Variants in CNTN1 observed in about 807,000 individuals in gnomAD.
CNTN1 encodes contactin-1.
In CNTN1, 38 loss-of-function variants were observed where a neutral mutation model predicts 126.4. The ratio of observed to expected loss-of-function variants is 0.30; its 90% CI spans 0.23 to 0.39. The LOEUF (loss-of-function observed/expected upper bound fraction) is 0.39. CNTN1 is among the 10% of genes least tolerant of loss of function. The probability of loss-of-function intolerance (pLI) is 1.00; values close to 1 mark genes in which losing one functional copy is unlikely to be tolerated. For synonymous variants in CNTN1, 413 were observed against 422.6 expected, an observed-to-expected ratio of 0.98 and a Z score of 0.28; for missense variants, 1,009 against 1,248.4, an observed-to-expected ratio of 0.81 and a Z score of 2.89.
rs530746397 is a variant in CNTN1 at position 40,753,830 on chromosome 12, C to T, written c.-77+61238C>T. Among the ~76,000 whole-genome samples the T allele has an allele frequency of 1.8e-4, 28 of 152,200 alleles. No homozygotes were observed. In the South Asian group the frequency reaches 5.2e-3, roughly 28 times the overall value. On this transcript the variant is annotated intron_variant, in intron 1 of 23. Coordinates refer to ENST00000551295, the MANE Select transcript of CNTN1 (RefSeq NM_001843.4). ...TTTTATAACCTGCACATAGATTTGA[C>T]AGTGTCTGGAGCAACATCAAATATG...
chr12:41,031,789 C>T (rs939246483), intron 23 of CNTN1, among the ~76,000 whole-genome samples: 1 of 151,944 alleles, frequency 6.6e-6, no homozygotes, highest in African/African-American at 2.4e-5. Flanking sequence ...GTAGAATTAA[C>T]GTTATGAAAT....
At chr12:41,058,592 TC>T (rs1242886018) in intron 23 of CNTN1, among the ~76,000 whole-genome samples, 7 of 152,132 alleles carry the variant, frequency 4.6e-5, no homozygotes, top group Non-Finnish European at 8.8e-5. Context: ...AATCTTTTTT[TC>T]CCCTTTTTTT....
At chr12:40,980,017 T>C (rs756661218) in intron 15 of CNTN1, among the ~76,000 whole-genome samples, 2 of 152,204 alleles carry the variant, frequency 1.3e-5, no homozygotes, top group Non-Finnish European at 1.5e-5. Flanking sequence ...GAAACATTTT[T>C]AATATTACTT....
intron 14 of CNTN1, among the ~76,000 whole-genome samples, chr12:40,956,201 G>A (rs999261908): frequency 1.8e-4 from 28 of 152,170 alleles, no homozygotes; most frequent in African/African-American, 5.5e-4. Context: ...CATATTTAGC[G>A]TGATTATTTG....
intron 1 of CNTN1, among the ~76,000 whole-genome samples, chr12:40,812,596 CA>C (rs901341242): frequency 3.3e-5 from 5 of 152,180 alleles, no homozygotes; most frequent in Admixed American, 3.3e-4. Context: ...GTATTGGGTG[CA>C]TATATATTTA....
chr12:40,820,904 G>T (rs1237229514), intron 1 of CNTN1, among the ~76,000 whole-genome samples: 1 of 152,118 alleles, frequency 6.6e-6, no homozygotes, highest in Non-Finnish European at 1.5e-5. Context: ...TTGTTGCATA[G>T]ATTCTTTTGA....
chr12:40,888,844 C>T (rs1406337627), intron 1 of CNTN1, among the ~76,000 whole-genome samples: 1 of 152,152 alleles, frequency 6.6e-6, no homozygotes, highest in Non-Finnish European at 1.5e-5. Flanking sequence ...AGAGTTGCAG[C>T]AAAAGGAAGA....
At chr12:40,829,425 T>G (rs1299669110) in intron 1 of CNTN1, among the ~76,000 whole-genome samples, 1 of 152,048 alleles carries the variant, frequency 6.6e-6, no homozygotes, top group Non-Finnish European at 1.5e-5. Flanking sequence ...TTTAAAAGTG[T>G]GTTTGCTAAA....
Position 40,959,179 on chromosome 12 carries a change from C to T in CNTN1, c.1749C>T (p.Cys583=), listed in dbSNP as rs768838928. 4.4e-5 allele frequency: 71 copies of T among 1,612,614 alleles called. No homozygotes were observed. The highest frequency in any genetic ancestry group is 1.8e-4 in the Admixed American group (11 of 59,814). The stretch of plus-strand genomic sequence containing the variant: ...TGAAACATGCTGGAAGATACACATG[C>T]ACTGCCCAGACAATTGTGGACAATT... The part of the protein sequence containing the change: ...AQLKHAGRYT[C]TAQTIVDNSS... Residue 583 remains cysteine, a synonymous_variant, in exon 15 of 24, where the codon TGC becomes TGT. Transcript: ENST00000551295.
At chr12:40,806,432 C>A (rs922163939) in intron 1 of CNTN1, among the ~76,000 whole-genome samples, 1 of 152,062 alleles carries the variant, frequency 6.6e-6, no homozygotes, top group East Asian at 1.9e-4. Flanking sequence ...GGTTATGAGA[C>A]CTTACCCACC....
chr12:40,974,636 G>C (rs554905415), intron 15 of CNTN1, among the ~76,000 whole-genome samples: 1 of 152,058 alleles, frequency 6.6e-6, no homozygotes, highest in Non-Finnish European at 1.5e-5. Context: ...TTTTAGGATA[G>C]TTGTTGAAAA....
intron 1 of CNTN1, among the ~76,000 whole-genome samples, chr12:40,779,394 A>T (rs1331787277): frequency 1.3e-5 from 2 of 151,870 alleles, no homozygotes; most frequent in Non-Finnish European, 2.9e-5. Context: ...AATTCTACCA[A>T]GGACACTTAT....
chr12:40,804,896 G>A (rs947454437), intron 1 of CNTN1, among the ~76,000 whole-genome samples: 3 of 151,566 alleles, frequency 2.0e-5, no homozygotes, highest in African/African-American at 7.3e-5. Flanking sequence ...CTGCATTTTT[G>A]AAAGATTTTC....
At chr12:40,920,578 T>C (rs891786122) in intron 4 of CNTN1, among the ~76,000 whole-genome samples, 1 of 152,104 alleles carries the variant, frequency 6.6e-6, no homozygotes, top group Non-Finnish European at 1.5e-5. Context: ...ACATTTAAAG[T>C]TTTTAAAATG....
intron 23 of CNTN1, among the ~76,000 whole-genome samples, chr12:41,053,141 G>A (rs965939117): frequency 1.3e-5 from 2 of 151,284 alleles, no homozygotes; most frequent in African/African-American, 4.8e-5. Context: ...AAATAATGAT[G>A]CCATCACATT....
chr12:41,049,480 C>T (rs1949624386), intron 23 of CNTN1, among the ~76,000 whole-genome samples: 1 of 152,192 alleles, frequency 6.6e-6, no homozygotes. Context: ...TTCATTTCAT[C>T]AAGAAATCCT....
chr12:40,780,697 A>AAG (rs1555156866), intron 1 of CNTN1, among the ~76,000 whole-genome samples: 13 of 150,544 alleles, frequency 8.6e-5, no homozygotes, highest in Admixed American at 8.0e-4. Flanking sequence ...AAAAAAAAAA[A>AAG]AAAAAACACC....
intron 1 of CNTN1, among the ~76,000 whole-genome samples, chr12:40,753,355 CCT>C (rs1938475493): frequency 1.3e-5 from 2 of 152,202 alleles, no homozygotes; most frequent in South Asian, 4.1e-4. Flanking sequence ...TCTTTATTCT[CCT>C]ATCTTATCAT....
chr12:40,848,511 A>G (rs1441403324), intron 1 of CNTN1, among the ~76,000 whole-genome samples: 1 of 152,254 alleles, frequency 6.6e-6, no homozygotes, highest in African/African-American at 2.4e-5. Context: ...GTTAGCATCT[A>G]GCCCCTCACT....
Sources: allele counts gnomAD v4.1 joint callset (sites outside exome capture counted in the v4.1 genomes callset), GRCh38; gene constraint gnomAD v4.1.1; transcripts MANE v1.5; gene names NCBI Gene and HGNC (gene_info 2026-07-23, HGNC 2026-07-21).